ARHGEF12: variants seen among roughly 807,000 people sequenced by gnomAD.
The protein encoded by ARHGEF12 is Rho guanine nucleotide exchange factor 12.
ARHGEF12 carries 66 observed loss-of-function variants against 211.2 expected under a neutral mutation model. That is an observed-to-expected ratio of 0.31 (90% CI 0.26 to 0.38). ARHGEF12 has a LOEUF of 0.38. Among genes scored for constraint, ARHGEF12 ranks in the 10% least tolerant of loss-of-function variants. The probability of loss-of-function intolerance (pLI) is 1.00; values close to 1 mark genes in which losing one functional copy is unlikely to be tolerated. For synonymous variants in ARHGEF12, 592 were observed against 638.4 expected, an observed-to-expected ratio of 0.93 and a Z score of 1.09; for missense variants, 1,429 against 1,869.5, an observed-to-expected ratio of 0.76 and a Z score of 4.34.
At position 120,467,118 on chromosome 11, in the gene ARHGEF12, C is replaced by A. The variant is rs1168509662; in HGVS notation, c.2740-76C>A. 7.8e-6 allele frequency: 7 copies of A among 902,802 alleles called. No individual in the cohort carries two copies. The Admixed American group carries it at 1.2e-4, about 16-fold the overall frequency. 55.9% of individuals were successfully genotyped at this position (902,802 alleles called of 1,614,324 possible). On this transcript the variant is annotated intron_variant, in intron 28 of 40. Transcript: ENST00000397843. ...ATAACCAGAACTGTGATGCATTAAA[C>A]CCTCACGGTGAATACATGGTACATG...
intron 22 of ARHGEF12, among the ~76,000 whole-genome samples, chr11:120,453,070 G>A (rs777029631): frequency 1.3e-4 from 19 of 151,826 alleles, no homozygotes; most frequent in Admixed American, 1.2e-3. Flanking sequence ...GAACAAGAAG[G>A]CCATTCATCT....
intron 1 of ARHGEF12, among the ~76,000 whole-genome samples, chr11:120,383,137 T>TC (rs1219903641): frequency 2.0e-5 from 3 of 151,682 alleles, no homozygotes; most frequent in Non-Finnish European, 4.4e-5. Context: ...AGACTCCGTC[T>TC]CAAAAAAAAA....
chr11:120,392,387 A>G (rs1341918810), intron 1 of ARHGEF12, among the ~76,000 whole-genome samples: 1 of 151,894 alleles, frequency 6.6e-6, no homozygotes, highest in African/African-American at 2.4e-5. Flanking sequence ...TGGTACAATT[A>G]TTTTTTTGTG....
chr11:120,457,692 A>T, intron 23 of ARHGEF12, 29 bp from the exon 24 acceptor site: 1 of 1,567,902 alleles, frequency 6.4e-7, no homozygotes, highest in Non-Finnish European at 8.7e-7. Context: ...TTTTGTTTTC[A>T]TGTTACTCTT....
intron 37 of ARHGEF12, 26 bp downstream of exon 37, chr11:120,478,415 A>G: frequency 1.3e-6 from 2 of 1,583,456 alleles, no homozygotes; most frequent in South Asian, 2.2e-5. Flanking sequence ...AACTTATTAC[A>G]GATACTTACT....
At chr11:120,396,245 T>A (rs1178518859) in intron 1 of ARHGEF12, among the ~76,000 whole-genome samples, 3 of 152,096 alleles carry the variant, frequency 2.0e-5, no homozygotes, top group Non-Finnish European at 2.9e-5. Context: ...AATGATTACA[T>A]AAATACATGG....
Position 120,405,979 on chromosome 11 carries a change from C to T in ARHGEF12, c.33-139C>T, listed in dbSNP as rs190951605. Reference sequence around the variant, plus strand: ...ACATGGTGTTCAACTTCTTATTCCTCCAGCTTATTGATTCTTGCTATTGGA... The same window carrying T: ...ACATGGTGTTCAACTTCTTATTCCTTCAGCTTATTGATTCTTGCTATTGGA... On this transcript the variant is annotated intron_variant, in intron 1 of 40. Transcript: ENST00000397843. 1.7e-4 allele frequency: 105 copies of T among 621,364 alleles called. No individual in the cohort carries two copies. The African/African-American group carries it at 1.9e-3, about 11-fold the overall frequency. 38.5% of individuals were successfully genotyped at this position (621,364 alleles called of 1,614,324 possible).
At chr11:120,412,316 T>C (rs1024582783) in intron 4 of ARHGEF12, among the ~76,000 whole-genome samples, 1 of 152,240 alleles carries the variant, frequency 6.6e-6, no homozygotes, top group Admixed American at 6.5e-5. Flanking sequence ...AAGTTATGTC[T>C]TTTTAAAGCT....
intron 1 of ARHGEF12, among the ~76,000 whole-genome samples, chr11:120,389,569 G>A (rs1348639853): frequency 6.6e-6 from 1 of 152,112 alleles, no homozygotes; most frequent in African/African-American, 2.4e-5. Flanking sequence ...GGTGGATGGG[G>A]TATCTTTCAT....
At chr11:120,477,556 A>G (rs767436069) in intron 36 of ARHGEF12, 30 bp downstream of exon 36, 1 of 1,585,908 alleles carries the variant, frequency 6.3e-7, no homozygotes, top group Non-Finnish European at 8.6e-7. Context: ...TCAATGGAGA[A>G]TGTGCTCTAT....
chr11:120,365,506 A>G (rs903244797), intron 1 of ARHGEF12, among the ~76,000 whole-genome samples: 25 of 152,212 alleles, frequency 1.6e-4, no homozygotes, highest in African/African-American at 6.0e-4. Context: ...TACATTTGAG[A>G]TGAAAGTTTG....
Position 120,465,352 on chromosome 11 carries a change from C to A in ARHGEF12, c.2729C>A (p.Thr910Asn), listed in dbSNP as rs1413576216. ...SRQKKDSRFQ[T>N]FVQDAESNPL... The stretch of plus-strand genomic sequence containing the variant: ...CAGAAAAAGGATTCTCGATTTCAGA[C>A]TTTTGTGCAAGTGAGTTGAGTGAGT... Residue 910 changes from threonine (T) to asparagine (N), a missense_variant, in exon 28 of 41, where the codon ACT (threonine) becomes AAT (asparagine). Coordinates refer to ENST00000397843, the MANE Select transcript of ARHGEF12 (RefSeq NM_015313.3). 3 of 1,613,904 alleles carry A rather than the reference C, an allele frequency of 1.9e-6. No homozygotes were observed. The highest frequency in any genetic ancestry group is 2.5e-6 in the Non-Finnish European group (3 of 1,180,018).
chr11:120,422,332 T>A (rs796242296), intron 6 of ARHGEF12, among the ~76,000 whole-genome samples: 26 of 152,262 alleles, frequency 1.7e-4, no homozygotes, highest in African/African-American at 6.0e-4. Flanking sequence ...CTCAGGAGGC[T>A]GAGGTGGGAG....
chr11:120,471,590 T>G (rs1946870810), intron 30 of ARHGEF12, among the ~76,000 whole-genome samples: 1 of 152,228 alleles, frequency 6.6e-6, no homozygotes, highest in African/African-American at 2.4e-5. Context: ...ACTTGAAATG[T>G]GTGTTCTACT....
chr11:120,409,957 A>T (rs1365492529), intron 4 of ARHGEF12: 1 of 152,288 alleles, frequency 6.6e-6, no homozygotes, highest in Non-Finnish European at 1.5e-5. Flanking sequence ...TGGAAAAGTC[A>T]TTCTTGTATA....
intron 1 of ARHGEF12, among the ~76,000 whole-genome samples, chr11:120,340,009 A>G (rs1370754410): frequency 6.6e-6 from 1 of 152,242 alleles, no homozygotes; most frequent in Non-Finnish European, 1.5e-5. Context: ...ACTTCTATGT[A>G]GTATATCCAA....
intron 6 of ARHGEF12, among the ~76,000 whole-genome samples, chr11:120,422,252 C>T (rs942773737): frequency 3.3e-5 from 5 of 152,146 alleles, no homozygotes; most frequent in African/African-American, 9.7e-5. Context: ...CACACCTGAC[C>T]TCATGTGATG....
chr11:120,390,764 G>T (rs368645236), intron 1 of ARHGEF12, among the ~76,000 whole-genome samples: 2 of 152,080 alleles, frequency 1.3e-5, no homozygotes, highest in Admixed American at 6.6e-5. Context: ...GTAGTCCAGG[G>T]GTTGAAAGCA....
At chr11:120,362,000 T>C (rs1251295566) in intron 1 of ARHGEF12, among the ~76,000 whole-genome samples, 2 of 152,208 alleles carry the variant, frequency 1.3e-5, no homozygotes, top group Non-Finnish European at 2.9e-5. Flanking sequence ...TTATAAGGTT[T>C]TAAATAAATG....
Sources: allele counts gnomAD v4.1 joint callset (sites outside exome capture counted in the v4.1 genomes callset), GRCh38; gene constraint gnomAD v4.1.1; transcripts MANE v1.5; gene names NCBI Gene and HGNC (gene_info 2026-07-23, HGNC 2026-07-21).